The following NPHS1 variants were observed in gnomAD, a reference collection of about 807,000 sequenced individuals.
NPHS1 encodes the protein NPHS1 adhesion molecule, nephrin, also known as nephrin.
In NPHS1, 107 loss-of-function variants were observed where a neutral mutation model predicts 139.7. The ratio of observed to expected loss-of-function variants is 0.77; its 90% CI spans 0.66 to 0.90. NPHS1 has a LOEUF of 0.90. Ranked by LOEUF, NPHS1 falls within the 40% of genes least tolerant of loss-of-function variation. The pLI, the probability that NPHS1 is intolerant of heterozygous loss-of-function variation, is 0.00. For synonymous variants in NPHS1, 707 were observed against 706.6 expected (o/e 1.00, Z -0.01); for missense variants, 1,580 against 1,654.2 (o/e 0.96, Z 0.78).
At chr19:35,850,885 A>G in intron 4 of NPHS1, 76 bp downstream of exon 4, 1 of 1,560,268 alleles carries the variant, frequency 6.4e-7, no homozygotes, top group Non-Finnish European at 8.8e-7. Context: ...TTAGAAGGGT[A>G]CTGGTCAGGA....
At chr19:35,828,486 A>G (rs1481650030) in intron 28 of NPHS1, among the ~76,000 whole-genome samples, 1 of 152,112 alleles carries the variant, frequency 6.6e-6, no homozygotes, top group African/African-American at 2.4e-5. Flanking sequence ...GGCTGGTCTC[A>G]AACTTCTGAC....
At chr19:35,847,266 C>T (rs906545593) in intron 11 of NPHS1, among the ~76,000 whole-genome samples, 4 of 150,064 alleles carry the variant, frequency 2.7e-5, no homozygotes, top group Admixed American at 6.6e-5. Flanking sequence ...AGGATGGTCT[C>T]GATCTCCTCA....
chr19:35,845,281 A>T lies in NPHS1; in HGVS notation c.1930+87T>A. ...AATGAAAGAGAGAGAGAGAGAGAAG[A>T]GAAAAAGAAGGAAAAAAAGGTAAGA... On this transcript the variant is annotated intron_variant, in intron 14 of 28. Coordinates refer to ENST00000378910, the MANE Select transcript of NPHS1 (RefSeq NM_004646.4). This position sits in a 1 kb window ranked among gnomAD's most constrained non-coding sequence, Gnocchi z 5.5. The T allele has an allele frequency of 6.9e-7, 1 of 1,439,004 alleles. No individual in the cohort carries two copies. Among genetic ancestry groups the T allele is most frequent in the East Asian group, 2.3e-5 (1 of 43,566 alleles). The allele number at this position is 1,439,004 out of a possible 1,614,324, so 89.1% of individuals were successfully genotyped here.
intron 23 of NPHS1, among the ~76,000 whole-genome samples, chr19:35,832,155 C>T (rs1972894055): frequency 6.6e-6 from 1 of 152,192 alleles, no homozygotes; most frequent in Non-Finnish European, 1.5e-5. Context: ...TTTCCAGAAT[C>T]ACTGAAGCAA....
Position 35,826,003 on chromosome 19 carries a change from T to G in NPHS1, c.*511A>C, listed in dbSNP as rs988325708. On this transcript the variant is annotated 3_prime_UTR_variant, in exon 29 of 29. Transcript: ENST00000378910. ...CTCTGTCGCCCAGGCTGGAGTGCAG[T>G]GGCGTGATCTCAGCTCACTGCAACC... 1.3e-5 allele frequency: 2 copies of G among 156,356 alleles called. No homozygotes were observed. Among genetic ancestry groups the G allele is most frequent in the Non-Finnish European group, 2.8e-5 (2 of 70,224 alleles). 9.7% of individuals were successfully genotyped at this position (156,356 alleles called of 1,614,324 possible).
intron 11 of NPHS1, among the ~76,000 whole-genome samples, chr19:35,847,603 A>G (rs1468159557): frequency 7.7e-6 from 1 of 130,468 alleles, no homozygotes; most frequent in Non-Finnish European, 1.6e-5. Flanking sequence ...TGATCCGTCT[A>G]CCTCGGCCTC....
chr19:35,852,091 T>C lies in NPHS1; in HGVS notation c.-254A>G, dbSNP rs1973283111. On this transcript the variant is annotated 5_prime_UTR_variant, in exon 1 of 29. Coordinates refer to ENST00000378910, the MANE Select transcript of NPHS1 (RefSeq NM_004646.4). The stretch of plus-strand genomic sequence containing the variant: ...AAAACTTTTTTTTCTTTTTTCTTTT[T>C]TTTTTCTTTTTTTTTTTTTTAGAGA... 6.9e-6 allele frequency among the ~76,000 whole-genome samples: 1 copy of C among 145,598 alleles called. No homozygotes were observed. The highest frequency in any genetic ancestry group is 1.5e-5 in the Non-Finnish European group (1 of 67,662).
chr19:35,842,752 A>G (rs1973080193), intron 17 of NPHS1, among the ~76,000 whole-genome samples: 2 of 151,982 alleles, frequency 1.3e-5, no homozygotes, highest in Admixed American at 1.3e-4. Context: ...CCACCTACCC[A>G]TCCATTCACC....
intron 8 of NPHS1, 86 bp from the exon 9 acceptor site, chr19:35,848,880 G>A: frequency 1.9e-6 from 3 of 1,610,114 alleles, no homozygotes; most frequent in Non-Finnish European, 2.5e-6. Context: ...GACAGATGCT[G>A]AGATCTTTGG....
chr19:35,835,816 T>A, intron 22 of NPHS1, 55 bp from the exon 23 acceptor site: 1 of 1,470,298 alleles, frequency 6.8e-7, no homozygotes, highest in Non-Finnish European at 9.5e-7. Context: ...AGATAAGCTT[T>A]AAATATTTCT....
At chr19:35,834,379 A>T (rs1433397373) in intron 23 of NPHS1, among the ~76,000 whole-genome samples, 7 of 152,168 alleles carry the variant, frequency 4.6e-5, no homozygotes, top group Admixed American at 4.6e-4. Flanking sequence ...CTGACTGCAG[A>T]GATGATTTAA....
At position 35,839,336 on chromosome 19, in the gene NPHS1, G is replaced by A; in HGVS notation, c.3010C>T (p.Gln1004Ter). The A allele has an allele frequency of 1.2e-6, 2 of 1,614,210 alleles. No homozygotes were observed. The highest frequency in any genetic ancestry group is 2.2e-5 in the South Asian group (2 of 91,082). Residue 1004 changes from glutamine to a stop codon, truncating the protein, a stop_gained, in exon 22 of 29, where the codon CAG (glutamine) becomes TAG (stop). Coordinates refer to ENST00000378910, the MANE Select transcript of NPHS1 (RefSeq NM_004646.4). LOFTEE classifies it high-confidence loss of function. The part of the protein sequence containing the change: ...QATTFTLTGL[Q>*]PSTRYRVWLL... ...CAGACCCTGTATCTTGTAGAAGGCT[G>A]TAGACCAGTCAGCGTGAAGGTGGTG...
rs888385510 is a variant in NPHS1, at chr19:35,826,285, T to C, written c.*229A>G. 8 of 551,358 alleles carry C rather than the reference T, an allele frequency of 1.5e-5. No homozygotes were observed. The highest frequency in any genetic ancestry group is 2.6e-5 in the Non-Finnish European group (8 of 307,022). 34.2% of individuals were successfully genotyped at this position (551,358 alleles called of 1,614,324 possible). Reference sequence around the variant, plus strand: ...GAGACGACGTTTACAATCTGCCCTGTCCTTTTGGAGAAGTTTAGTTTCTAA... The same window carrying C: ...GAGACGACGTTTACAATCTGCCCTGCCCTTTTGGAGAAGTTTAGTTTCTAA... On this transcript the variant is annotated 3_prime_UTR_variant, in exon 29 of 29. Transcript: ENST00000378910.
At chr19:35,835,293 CTTTT>C (rs34868479) in intron 23 of NPHS1, among the ~76,000 whole-genome samples, 4 of 38,092 alleles carry the variant, frequency 1.1e-4, no homozygotes, top group Non-Finnish European at 1.0e-4. Context: ...AGAACTAAGT[CTTTT>C]TTTTTTTTTT....
intron 23 of NPHS1, among the ~76,000 whole-genome samples, chr19:35,834,932 T>C (rs181596570): frequency 5.6e-4 from 85 of 150,538 alleles, no homozygotes; most frequent in Non-Finnish European, 9.6e-4. Context: ...GTGCCGTAGC[T>C]CATGCCTGTT....
Position 35,850,451 on chromosome 19 carries a change from G to A in NPHS1, c.527-6C>T, listed in dbSNP as rs375095945. On this transcript the variant is annotated splice_polypyrimidine_tract_variant and splice_region_variant and intron_variant, in intron 4 of 28. Transcript: ENST00000378910. ...GTCAGATATTGTCTGTCCACCTTGG[G>A]GCAGCAAGAGGGCTAGAGGGGTTCC... 3.1e-6 allele frequency: 5 copies of A among 1,613,374 alleles called. No homozygotes were observed. The African/African-American group carries it at 5.3e-5, about 17-fold the overall frequency.
Position 35,849,343 on chromosome 19 carries a change from T to C in NPHS1, c.733A>G (p.Ile245Val), listed in dbSNP as rs370046047. ...NVLFPPGPPV[I>V]EWPGLDEGHV... is the part of the protein sequence containing the mutation. ...CCCTCATCCAGGCCTGGCCACTCGA[T>C]GACAGGGGGTCCTGGAGGGACTGGG... Residue 245 changes from isoleucine (I) to valine (V), a missense_variant, in exon 7 of 29, where the codon ATC (isoleucine) becomes GTC (valine). Ile to Val is a conservative substitution (Grantham distance 29). Coordinates refer to ENST00000378910, the MANE Select transcript of NPHS1 (RefSeq NM_004646.4). The C allele has an allele frequency of 2.5e-6, 4 of 1,612,408 alleles. No individual in the cohort carries two copies. In the African/African-American group the frequency reaches 5.3e-5, roughly 22 times the overall value.
rs1204542261 is a variant in NPHS1, at chr19:35,845,680, C to T, written c.1746G>A (p.Lys582=). The T allele has an allele frequency of 6.2e-7, 1 of 1,613,798 alleles. No individual in the cohort carries two copies. The highest frequency in any genetic ancestry group is 8.5e-7 in the Non-Finnish European group (1 of 1,179,860). Residue 582 remains lysine, a synonymous_variant, in exon 13 of 29, where the codon AAG becomes AAA. Transcript: ENST00000378910. This position sits in a 1 kb window ranked among gnomAD's most constrained non-coding sequence, Gnocchi z 5.5. The stretch of plus-strand genomic sequence containing the variant: ...CCTCGCACTCCCACCTCTCCCCTTC[C>T]TTGTCCCAGGACAAGTTGACCGGCG... ...SNPPVNLSWD[K]EGERLEGVAA...
chr19:35,836,371 C>T (rs1315662103), intron 22 of NPHS1, among the ~76,000 whole-genome samples: 1 of 151,734 alleles, frequency 6.6e-6, no homozygotes, highest in Non-Finnish European at 1.5e-5. Context: ...TATCCTCCCG[C>T]CTCAGACTCC....
Sources: gnomAD v4.1 joint callset for allele counts (sites outside exome capture counted in the v4.1 genomes callset) on GRCh38, gnomAD v4.1.1 for gene constraint, Gnocchi (gnomAD v3.1) non-coding constraint, MANE v1.5 for transcripts, NCBI Gene and HGNC (gene_info 2026-07-23, HGNC 2026-07-21) for gene names.